MAD1L1: variants seen among roughly 807,000 people sequenced by gnomAD.
The protein encoded by MAD1L1 is mitotic arrest deficient 1 like 1.
Under a neutral mutation model 96.9 loss-of-function variants are expected in MAD1L1, and 95 were observed. That is an observed-to-expected ratio of 0.98 (90% CI 0.83 to 1.16). MAD1L1 has a LOEUF of 1.16. Among genes scored for constraint, MAD1L1 ranks in the 50% most tolerant of loss-of-function variants. The probability of loss-of-function intolerance (pLI) is 0.00; values close to 1 mark genes in which losing one functional copy is unlikely to be tolerated. For synonymous variants in MAD1L1, 473 were observed against 396.6 expected (o/e 1.19, Z -2.29); for missense variants, 1,007 against 954.4 (o/e 1.06, Z -0.73).
At chr7:1,999,437 G>A (rs1473407202) in intron 14 of MAD1L1, among the ~76,000 whole-genome samples, 1 of 151,920 alleles carries the variant, frequency 6.6e-6, no homozygotes, top group Non-Finnish European at 1.5e-5. Flanking sequence ...TGGCAAACCC[G>A]CCCTGGTAAA....
At chr7:1,848,430 TGAATAGG>T in intron 18 of MAD1L1, 1 of 152,856 alleles carries the variant, frequency 6.5e-6, no homozygotes, top group Admixed American at 6.5e-5. Flanking sequence ...GCCCTCATGC[TGAATAGG>T]ACACTCCATC....
intron 12 of MAD1L1, among the ~76,000 whole-genome samples, chr7:2,060,983 A>G (rs574479937): frequency 4.6e-5 from 7 of 152,256 alleles, no homozygotes; most frequent in Non-Finnish European, 1.0e-4. Flanking sequence ...ATACGTTTCA[A>G]CAAAAGACTT....
chr7:2,106,135 G>C lies in MAD1L1; in HGVS notation c.1074-36797C>G, dbSNP rs116629699. ...TCCACCCTGCCCAGCACACAGTCCC[G>C]CCTCCCACCCCCAGCACAGGGCCCT... is the stretch of plus-strand genomic sequence containing the variant. On this transcript the variant is annotated intron_variant, in intron 11 of 18. Transcript: ENST00000265854. Among the ~76,000 whole-genome samples, 6 of 111,536 alleles carry C rather than the reference G, an allele frequency of 5.4e-5. No homozygotes were observed. The South Asian group carries it at 1.4e-3, about 25-fold the overall frequency. 73.2% of individuals were successfully genotyped at this position (111,536 alleles called of 152,430 possible). A position where few individuals can be genotyped will look rare whatever the true frequency, so the allele number is the denominator to read the frequency against.
intron 15 of MAD1L1, 87 bp from the exon 16 acceptor site, chr7:1,957,806 G>A: frequency 1.8e-6 from 2 of 1,135,522 alleles, no homozygotes; most frequent in Admixed American, 1.8e-5. Flanking sequence ...GAGGTGAAAG[G>A]TTAGGAGACC....
At chr7:1,886,069 C>T (rs939651437) in intron 18 of MAD1L1, among the ~76,000 whole-genome samples, 1 of 152,246 alleles carries the variant, frequency 6.6e-6, no homozygotes, top group African/African-American at 2.4e-5. Flanking sequence ...AGGGCAGCCT[C>T]ATCCCAGCAA....
rs1466949119 is a variant in MAD1L1, at chr7:2,119,438, G to A, written c.1073+29714C>T. ...CGATGAGCAGGAGCTGTCGTGGGGC[G>A]CACACTCTCTGTAGCTGGCCAAAGC... On this transcript the variant is annotated intron_variant, in intron 11 of 18. Transcript: ENST00000265854. This position sits in a 1 kb window ranked among gnomAD's most constrained non-coding sequence, Gnocchi z 4.6. 6.6e-6 allele frequency among the ~76,000 whole-genome samples: 1 copy of A among 152,110 alleles called. No individual in the cohort carries two copies. The highest frequency in any genetic ancestry group is 1.5e-5 in the Non-Finnish European group (1 of 67,998).
chr7:2,135,792 A>C (rs1788721184), intron 11 of MAD1L1, among the ~76,000 whole-genome samples: 1 of 152,200 alleles, frequency 6.6e-6, no homozygotes, highest in Non-Finnish European at 1.5e-5. Flanking sequence ...GGGAAAGTAC[A>C]CTCATGAAGG....
At chr7:2,199,446 G>A (rs919639594) in intron 10 of MAD1L1, among the ~76,000 whole-genome samples, 2 of 152,240 alleles carry the variant, frequency 1.3e-5, no homozygotes, top group African/African-American at 4.8e-5. Context: ...AGCCTGGTGC[G>A]CCACCCCCAC....
At chr7:2,136,226 C>T (rs905199320) in intron 11 of MAD1L1, among the ~76,000 whole-genome samples, 5 of 152,200 alleles carry the variant, frequency 3.3e-5, no homozygotes, top group African/African-American at 1.2e-4. Context: ...CCTGCGGAAG[C>T]GACCTGTGAT....
Position 1,886,727 on chromosome 7 carries a change from T to C in MAD1L1, c.1998+11473A>G, listed in dbSNP as rs189933786. 3.0e-3 allele frequency among the ~76,000 whole-genome samples: 451 copies of C among 152,390 alleles called. 5 individuals carry two copies. The highest frequency in any genetic ancestry group is 0.01 in the African/African-American group (426 of 41,604). ...GATCTGGGTGACCCTGGGCAGGCCC[T>C]GCTCTGCTGGTGCCAGCTGTGGCCA... On this transcript the variant is annotated intron_variant, in intron 18 of 18. Coordinates refer to ENST00000265854, the MANE Select transcript of MAD1L1 (RefSeq NM_001013836.2).
chr7:1,906,965 T>G (rs1467761998), intron 17 of MAD1L1, among the ~76,000 whole-genome samples: 3 of 152,144 alleles, frequency 2.0e-5, no homozygotes, highest in Non-Finnish European at 4.4e-5. Context: ...TCCCATGGCC[T>G]CAGATGAAAA....
intron 18 of MAD1L1, chr7:1,845,461 C>T (rs1364771184): frequency 1.4e-5 from 1 of 69,712 alleles, no homozygotes; most frequent in African/African-American, 5.5e-5. Flanking sequence ...AGGAGATGGA[C>T]GTGCTCCACG....
chr7:2,084,002 G>A (rs939904842), intron 11 of MAD1L1, among the ~76,000 whole-genome samples: 11 of 152,186 alleles, frequency 7.2e-5, no homozygotes, highest in African/African-American at 9.7e-5. Context: ...GTGAAGGTCC[G>A]GTTTTCCACA....
chr7:1,947,126 G>A (rs1278252778), intron 16 of MAD1L1, among the ~76,000 whole-genome samples: 1 of 152,214 alleles, frequency 6.6e-6, no homozygotes, highest in Non-Finnish European at 1.5e-5. Flanking sequence ...ATAAGACCCG[G>A]AGCAGAGGAC....
intron 15 of MAD1L1, among the ~76,000 whole-genome samples, chr7:1,979,054 C>G (rs73275246): frequency 0.034 from 5,191 of 152,324 alleles, 194 homozygotes; most frequent in East Asian, 0.088. Flanking sequence ...CGGGGCCACA[C>G]TAAAGGCAGC....
intron 12 of MAD1L1, among the ~76,000 whole-genome samples, chr7:2,053,564 C>A (rs775041942): frequency 3.9e-5 from 6 of 152,222 alleles, no homozygotes; most frequent in African/African-American, 7.2e-5. Context: ...CCCTGGCGGG[C>A]GGCAGGAAAG....
rs572041980 is a variant in MAD1L1 at position 2,124,364 on chromosome 7, G to A, written c.1073+24788C>T. Among the ~76,000 whole-genome samples, 38 of 152,360 alleles carry A rather than the reference G, an allele frequency of 2.5e-4. No homozygotes were observed. The South Asian group carries it at 7.9e-3, about 32-fold the overall frequency. On this transcript the variant is annotated intron_variant, in intron 11 of 18. Transcript: ENST00000265854. ...TGGAACTACCACGGGGCGTGGAACTGATTTGGGAAGAGCCCAACGTGCCGA... is the reference window on the plus strand; with the variant it reads ...TGGAACTACCACGGGGCGTGGAACTAATTTGGGAAGAGCCCAACGTGCCGA...
At chr7:2,110,919 C>A (rs888562948) in intron 11 of MAD1L1, among the ~76,000 whole-genome samples, 2 of 152,276 alleles carry the variant, frequency 1.3e-5, no homozygotes, top group Admixed American at 6.5e-5. Context: ...ACGGCGCGGG[C>A]AAACCCTTCC....
chr7:1,914,090 G>T (rs111273326), intron 17 of MAD1L1, among the ~76,000 whole-genome samples: 2,217 of 152,214 alleles, frequency 0.015, 49 homozygotes, highest in African/African-American at 0.05. Context: ...TCCCAGGCCC[G>T]ACCCCACAAT....
Sources: allele counts gnomAD v4.1 joint callset (sites outside exome capture counted in the v4.1 genomes callset), GRCh38; gene constraint gnomAD v4.1.1; non-coding constraint Gnocchi (gnomAD v3.1); transcripts MANE v1.5; gene names NCBI Gene and HGNC (gene_info 2026-07-23, HGNC 2026-07-21).